FGF12: variants seen among roughly 807,000 people sequenced by gnomAD.
The protein encoded by FGF12 is fibroblast growth factor 12B.
FGF12 carries 14 observed loss-of-function variants against 23.6 expected under a neutral mutation model. That is an observed-to-expected ratio of 0.59 (90% confidence interval 0.39 to 0.93). The LOEUF (loss-of-function observed/expected upper bound fraction) is 0.93, where lower values mean the gene tolerates loss of function less well. Ranked by LOEUF, FGF12 falls within the 40% of genes least tolerant of loss-of-function variation. FGF12 has a pLI of 0.00. For missense variants in FGF12, 175 were observed against 217.8 expected (o/e 0.80, Z 1.24); for synonymous variants, 62 against 77.3 (o/e 0.80, Z 1.04).
rs186892050 is a variant in FGF12, at chr3:192,263,372, C to G, written c.228+71989G>C. 2.2e-3 allele frequency among the ~76,000 whole-genome samples: 334 copies of G among 151,990 alleles called. 2 individuals are homozygous for G. Among genetic ancestry groups the G allele is most frequent in the African/African-American group, 5.5e-3 (228 of 41,462 alleles). ...GGTCTTTGACTCAGCAGCATTAATC[C>G]CATCAATGTCCCATCCCAGAACTAC... On this transcript the variant is annotated intron_variant, in intron 4 of 5. Transcript: ENST00000445105.
At chr3:192,346,383 G>A (rs553195329) in intron 3 of FGF12, among the ~76,000 whole-genome samples, 1 of 152,102 alleles carries the variant, frequency 6.6e-6, no homozygotes, top group South Asian at 2.1e-4. Context: ...AAATACAACT[G>A]TCCTAATCTT....
intron 2 of FGF12, among the ~76,000 whole-genome samples, chr3:192,663,516 C>A (rs1163810107): frequency 6.6e-6 from 1 of 152,152 alleles, no homozygotes; most frequent in African/African-American, 2.4e-5. Flanking sequence ...TGAGTACCCT[C>A]AGCCAAACAC....
intron 4 of FGF12, among the ~76,000 whole-genome samples, chr3:192,285,194 G>A (rs1216726248): frequency 6.6e-6 from 1 of 152,008 alleles, no homozygotes; most frequent in South Asian, 2.1e-4. Flanking sequence ...ATGACCCTTA[G>A]TAGTTGATAA....
Position 192,415,732 on chromosome 3 carries a change from TCACACA to T in FGF12, c.14-55200_14-55195del, listed in dbSNP as rs572589902. Among the ~76,000 whole-genome samples the T allele has an allele frequency of 6.8e-3, 802 of 118,044 alleles. 10 individuals carry two copies. Among genetic ancestry groups the T allele is most frequent in the African/African-American group, 0.022 (689 of 31,592 alleles). The allele number at this position is 118,044 out of a possible 152,430, so 77.4% of individuals were successfully genotyped here. On this transcript the variant is annotated intron_variant, in intron 2 of 5. Transcript: ENST00000445105. The stretch of plus-strand genomic sequence containing the variant: ...CTGATACTTCTCTTCTCTCTCTCTC[TCACACA>T]CACACACACACACACACACACACAC...
chr3:192,573,104 T>C (rs1712712942), intron 2 of FGF12, among the ~76,000 whole-genome samples: 2 of 152,138 alleles, frequency 1.3e-5, no homozygotes, highest in Admixed American at 1.3e-4. Context: ...CTATATTCAG[T>C]GGTCAGAACT....
At position 192,172,584 on chromosome 3, in the gene FGF12, C is replaced by T. The variant is rs184157223; in HGVS notation, c.229-1928G>A. ...GCTTAAGAATCAAAGAAACAAATGA[C>T]CATGAGATACTACTTCACATCCACT... On this transcript the variant is annotated intron_variant, in intron 4 of 5. Coordinates refer to ENST00000445105, the MANE Select transcript of FGF12 (RefSeq NM_004113.6). Among the ~76,000 whole-genome samples, 541 of 150,744 alleles carry T rather than the reference C, an allele frequency of 3.6e-3. 21 individuals carry two copies. The highest frequency in any genetic ancestry group is 9.6e-3 in the Admixed American group (144 of 15,006).
intron 4 of FGF12, among the ~76,000 whole-genome samples, chr3:192,203,839 A>C (rs978213717): frequency 6.6e-6 from 1 of 152,008 alleles, no homozygotes; most frequent in Non-Finnish European, 1.5e-5. Flanking sequence ...TTTGGCCTTA[A>C]AAAATCCTCC....
At chr3:192,480,403 C>T (rs577037401) in intron 2 of FGF12, among the ~76,000 whole-genome samples, 5 of 152,094 alleles carry the variant, frequency 3.3e-5, no homozygotes, top group African/African-American at 4.8e-5. Context: ...AATATCAGTA[C>T]GAGAGCCCAT....
intron 2 of FGF12, among the ~76,000 whole-genome samples, chr3:192,618,076 G>C (rs151289380): frequency 2.6e-5 from 4 of 152,036 alleles, no homozygotes; most frequent in African/African-American, 9.7e-5. Context: ...ATAATAAATC[G>C]CTTGGAATGG....
chr3:192,224,571 A>G (rs1383092519), intron 4 of FGF12, among the ~76,000 whole-genome samples: 1 of 151,790 alleles, frequency 6.6e-6, no homozygotes, highest in Non-Finnish European at 1.5e-5. Flanking sequence ...TTTTTTTTTA[A>G]TTTGGGCTTT....
At chr3:192,271,007 A>G (rs1265783201) in intron 4 of FGF12, among the ~76,000 whole-genome samples, 1 of 152,156 alleles carries the variant, frequency 6.6e-6, no homozygotes, top group Non-Finnish European at 1.5e-5. Context: ...AGGCAGCCTC[A>G]TTCCCTGCAG....
At chr3:192,578,831 G>C (rs1004980021) in intron 2 of FGF12, among the ~76,000 whole-genome samples, 2 of 152,080 alleles carry the variant, frequency 1.3e-5, no homozygotes, top group Non-Finnish European at 2.9e-5. Flanking sequence ...ATTGCAAAGC[G>C]AGTAGCTCAT....
At chr3:192,669,707 C>T (rs1252032276) in intron 2 of FGF12, among the ~76,000 whole-genome samples, 1 of 149,808 alleles carries the variant, frequency 6.7e-6, no homozygotes, top group Non-Finnish European at 1.5e-5. Flanking sequence ...GTTATTTTTC[C>T]AATAATATTA....
intron 2 of FGF12, among the ~76,000 whole-genome samples, chr3:192,370,104 G>A (rs1268211042): frequency 6.6e-6 from 1 of 152,126 alleles, no homozygotes; most frequent in Non-Finnish European, 1.5e-5. Flanking sequence ...GAAATATGGG[G>A]GTGCATGCAG....
rs1460575186 is a variant in FGF12 at position 192,378,063 on chromosome 3, T to TTTCC, written c.14-17526_14-17525insGGAA. Among the ~76,000 whole-genome samples the TTTCC allele has an allele frequency of 1.4e-4, 16 of 114,738 alleles. 1 individual carries two copies. The highest frequency in any genetic ancestry group is 7.9e-4 in the African/African-American group (16 of 20,182). 75.3% of individuals were successfully genotyped at this position (114,738 alleles called of 152,430 possible). On this transcript the variant is annotated intron_variant, in intron 2 of 5. Coordinates refer to ENST00000445105, the MANE Select transcript of FGF12 (RefSeq NM_004113.6). ...CTTTCTTTCTTTCTTTCTTTCTTTC[T>TTTCC]TTCTTTCTTTCTTTCTTTCTTTCTT... is the stretch of plus-strand genomic sequence containing the variant.
chr3:192,513,548 T>C (rs184444456), intron 2 of FGF12, among the ~76,000 whole-genome samples: 21 of 152,336 alleles, frequency 1.4e-4, no homozygotes, highest in African/African-American at 4.8e-4. Context: ...ACATATATTA[T>C]AATCTTTCCA....
Position 192,723,828 on chromosome 3 carries a change from G to A in FGF12, c.13+3353C>T, listed in dbSNP as rs989491071. 4.1e-5 allele frequency among the ~76,000 whole-genome samples: 6 copies of A among 146,324 alleles called. No homozygotes were observed. In the East Asian group the frequency reaches 8.3e-4, roughly 20 times the overall value. ...ACAAAGAAAAATGTGATATAGGTGG[G>A]GGTCAGTGGGAGGTGAGAGTGTGTG... On this transcript the variant is annotated intron_variant, in intron 2 of 5. Transcript: ENST00000445105.
At chr3:192,645,520 T>C (rs914280625) in intron 2 of FGF12, among the ~76,000 whole-genome samples, 1 of 151,990 alleles carries the variant, frequency 6.6e-6, no homozygotes, top group Non-Finnish European at 1.5e-5. Flanking sequence ...TGAAGAAAGA[T>C]AATGAGTCCA....
rs1482447213 is a variant in FGF12, at chr3:192,664,594, C to CAAAAAAAAAAAAAAAA, written c.13+62586_13+62587insTTTTTTTTTTTTTTTT. ...TGAAACCCTGTCTCTACTAAAAATA[C>CAAAAAAAAAAAAAAAA]AAAAAAAATACAAAAAAAAAAAAAA... On this transcript the variant is annotated intron_variant, in intron 2 of 5. Coordinates refer to ENST00000445105, the MANE Select transcript of FGF12 (RefSeq NM_004113.6). Among the ~76,000 whole-genome samples, 240 of 96,840 alleles carry CAAAAAAAAAAAAAAAA rather than the reference C, an allele frequency of 2.5e-3. 28 individuals are homozygous for CAAAAAAAAAAAAAAAA. Among genetic ancestry groups the CAAAAAAAAAAAAAAAA allele is most frequent in the Non-Finnish European group, 3.2e-3 (160 of 49,770 alleles). The allele number at this position is 96,840 out of a possible 152,430, so 63.5% of individuals were successfully genotyped here. A position where few individuals can be genotyped will look rare whatever the true frequency, so the allele number is the denominator to read the frequency against.
Sources: allele counts gnomAD v4.1 joint callset (sites outside exome capture counted in the v4.1 genomes callset), GRCh38; gene constraint gnomAD v4.1.1; transcripts MANE v1.5; gene names NCBI Gene and HGNC (gene_info 2026-07-23, HGNC 2026-07-21).